CAMK2D: variants seen among roughly 807,000 people sequenced by gnomAD.
CAMK2D encodes the protein calcium/calmodulin dependent protein kinase II delta.
A neutral mutation model predicts 84.0 loss-of-function variants in CAMK2D; 37 were observed. The observed-to-expected ratio is 0.44, with a 90% confidence interval of 0.34 to 0.58. CAMK2D has a LOEUF of 0.58. Among genes scored for constraint, CAMK2D ranks in the 20% least tolerant of loss-of-function variants. The probability of loss-of-function intolerance (pLI) is 0.02; values close to 1 mark genes in which losing one functional copy is unlikely to be tolerated. For missense variants in CAMK2D, 448 were observed against 652.5 expected, an observed-to-expected ratio of 0.69 and a Z score of 3.41; for synonymous variants, 202 against 212.5, an observed-to-expected ratio of 0.95 and a Z score of 0.43.
chr4:113,634,649 G>A (rs897067779), intron 3 of CAMK2D, among the ~76,000 whole-genome samples: 2 of 152,132 alleles, frequency 1.3e-5, no homozygotes, highest in Non-Finnish European at 2.9e-5. Context: ...ATGACATTGA[G>A]GTAGAATTAG....
intron 17 of CAMK2D, among the ~76,000 whole-genome samples, chr4:113,465,126 G>A (rs2097441743): frequency 6.6e-6 from 1 of 152,098 alleles, no homozygotes; most frequent in Admixed American, 6.6e-5. Context: ...TCGACCTCCT[G>A]GGCTTAGGTG....
intron 16 of CAMK2D, among the ~76,000 whole-genome samples, chr4:113,495,150 C>T (rs1280628940): frequency 6.6e-6 from 1 of 152,170 alleles, no homozygotes; most frequent in African/African-American, 2.4e-5. Context: ...CCTATTTGGC[C>T]ATCTTGGCTC....
At chr4:113,465,955 A>G (rs1010090545) in intron 16 of CAMK2D, among the ~76,000 whole-genome samples, 1 of 151,166 alleles carries the variant, frequency 6.6e-6, no homozygotes, top group African/African-American at 2.4e-5. Context: ...GTTTTTTAAA[A>G]TTAGTTTTTA....
chr4:113,512,305 A>ATACTT (rs1242745401), intron 12 of CAMK2D, among the ~76,000 whole-genome samples: 1 of 152,232 alleles, frequency 6.6e-6, no homozygotes, highest in Non-Finnish European at 1.5e-5. Context: ...GGAGTAATAT[A>ATACTT]TACTTTATCT....
At chr4:113,481,587 C>T (rs1198711444) in intron 16 of CAMK2D, among the ~76,000 whole-genome samples, 2 of 152,164 alleles carry the variant, frequency 1.3e-5, no homozygotes, top group African/African-American at 4.8e-5. Context: ...TCCAGTGATT[C>T]TTGTGCCTCA....
intron 3 of CAMK2D, among the ~76,000 whole-genome samples, chr4:113,651,614 C>A (rs2099172828): frequency 6.6e-6 from 1 of 152,156 alleles, no homozygotes; most frequent in South Asian, 2.1e-4. Flanking sequence ...TGTAAGAATT[C>A]ATCATCACAT....
At chr4:113,732,318 T>G (rs1202227031) in intron 2 of CAMK2D, among the ~76,000 whole-genome samples, 1 of 152,056 alleles carries the variant, frequency 6.6e-6, no homozygotes, top group African/African-American at 2.4e-5. Context: ...AGACAGGGTC[T>G]CCCTATGTTG....
At chr4:113,672,025 G>T (rs528945413) in intron 2 of CAMK2D, among the ~76,000 whole-genome samples, 1 of 152,242 alleles carries the variant, frequency 6.6e-6, no homozygotes, top group East Asian at 1.9e-4. Context: ...AAGTGTGGAT[G>T]CATGTTCCTT....
intron 4 of CAMK2D, among the ~76,000 whole-genome samples, chr4:113,556,901 G>A (rs1304146316): frequency 6.6e-6 from 1 of 152,174 alleles, no homozygotes; most frequent in Non-Finnish European, 1.5e-5. Context: ...CTCACAGGAA[G>A]AGCTTAATAA....
chr4:113,634,213 A>G (rs927140524), intron 3 of CAMK2D, among the ~76,000 whole-genome samples: 2 of 152,152 alleles, frequency 1.3e-5, no homozygotes, highest in Non-Finnish European at 2.9e-5. Context: ...ACAGCTGTCT[A>G]TATTTTCATT....
chr4:113,720,375 C>CAT (rs2099526848), intron 2 of CAMK2D, among the ~76,000 whole-genome samples: 1 of 151,362 alleles, frequency 6.6e-6, no homozygotes, highest in South Asian at 2.1e-4. Context: ...CTCACACACA[C>CAT]ACACACACAC....
chr4:113,513,787 G>T, intron 11 of CAMK2D, 43 bp downstream of exon 11: 1 of 879,808 alleles, frequency 1.1e-6, no homozygotes, highest in Non-Finnish European at 1.9e-6. Context: ...TCACTTCTTA[G>T]TCTGTCAAAT....
intron 18 of CAMK2D, among the ~76,000 whole-genome samples, chr4:113,458,707 A>T (rs2097334790): frequency 6.6e-6 from 1 of 152,210 alleles, no homozygotes; most frequent in South Asian, 2.1e-4. Flanking sequence ...TTGTTTGTAA[A>T]TGTCTAATGC....
intron 4 of CAMK2D, among the ~76,000 whole-genome samples, chr4:113,603,445 G>A (rs1458206510): frequency 7.2e-6 from 1 of 139,056 alleles, no homozygotes; most frequent in Non-Finnish European, 1.5e-5. Context: ...TAGGGACATG[G>A]ATAAAATTGG....
chr4:113,493,235 T>C (rs898570265), intron 16 of CAMK2D, among the ~76,000 whole-genome samples: 157 of 152,138 alleles, frequency 1.0e-3, no homozygotes, highest in Middle Eastern at 3.4e-3. Flanking sequence ...TTCTTCCTAG[T>C]CTCGATGGTC....
intron 13 of CAMK2D, among the ~76,000 whole-genome samples, chr4:113,506,891 T>TCC (rs142027510): frequency 2.2e-4 from 33 of 147,264 alleles, no homozygotes; most frequent in African/African-American, 7.5e-4. Context: ...GTGCACATGT[T>TCC]CCCCCCCCCA....
At chr4:113,731,595 T>G (rs1224360317) in intron 2 of CAMK2D, among the ~76,000 whole-genome samples, 2 of 150,694 alleles carry the variant, frequency 1.3e-5, no homozygotes, top group African/African-American at 2.4e-5. Flanking sequence ...CTTTTTTTTT[T>G]TTTTTTTTGA....
intron 4 of CAMK2D, among the ~76,000 whole-genome samples, chr4:113,573,617 A>C (rs1201314221): frequency 6.6e-6 from 1 of 152,230 alleles, no homozygotes; most frequent in East Asian, 1.9e-4. Flanking sequence ...GGCATTGTAT[A>C]ATAAGGCAAC....
intron 2 of CAMK2D, among the ~76,000 whole-genome samples, chr4:113,677,912 T>C (rs1011077705): frequency 1.1e-4 from 17 of 152,056 alleles, no homozygotes; most frequent in African/African-American, 4.1e-4. Context: ...TAGTATCTAG[T>C]AGCATCTTGA....
Sources: allele counts gnomAD v4.1 joint callset (sites outside exome capture counted in the v4.1 genomes callset), GRCh38; gene constraint gnomAD v4.1.1; transcripts MANE v1.5; gene names NCBI Gene and HGNC (gene_info 2026-07-23, HGNC 2026-07-21).